Variants in ZFHX3 observed in about 807,000 individuals in gnomAD.
The protein encoded by ZFHX3 is zinc finger homeobox 3.
In ZFHX3, 42 loss-of-function variants were observed where a neutral mutation model predicts 279.1. The ratio of observed to expected loss-of-function variants is 0.15; its 90% confidence interval spans 0.12 to 0.19. The LOEUF (loss-of-function observed/expected upper bound fraction) is 0.19. Ranked by LOEUF, ZFHX3 falls within the 10% of genes least tolerant of loss-of-function variation. The probability of loss-of-function intolerance (pLI) is 1.00; values close to 1 mark genes in which losing one functional copy is unlikely to be tolerated. For synonymous variants in ZFHX3, 2,293 were observed against 1,957.8 expected, an observed-to-expected ratio of 1.17 and a Z score of -4.52; for missense variants, 4,981 against 4,754.0, an observed-to-expected ratio of 1.05 and a Z score of -1.40.
chr16:72,880,292 C>T (rs2038427874), intron 4 of ZFHX3, among the ~76,000 whole-genome samples: 2 of 152,212 alleles, frequency 1.3e-5, no homozygotes, highest in South Asian at 2.1e-4. Context: ...AACTGTGGTC[C>T]TCCCAGTGTC....
intron 8 of ZFHX3, among the ~76,000 whole-genome samples, chr16:73,066,900 G>A (rs538227267): frequency 1.3e-5 from 2 of 152,162 alleles, no homozygotes; most frequent in South Asian, 4.1e-4. Context: ...ACGGAGGTGA[G>A]AGCACTGAGA....
rs2053537285 is a variant in ZFHX3, at chr16:73,728,094, A to G, written c.-1607-47854T>C. 2.2e-5 allele frequency among the ~76,000 whole-genome samples: 3 copies of G among 136,550 alleles called. No homozygotes were observed. In the Admixed American group the frequency reaches 2.6e-4, roughly 12 times the overall value. The allele number at this position is 136,550 out of a possible 152,430, so 89.6% of individuals were successfully genotyped here. ...AAAAATGTGACTGTATTTGGAGATCAGGTCTTTAAAGAGGTAATTAAGTTA... is the reference window on the plus strand; with the variant it reads ...AAAAATGTGACTGTATTTGGAGATCGGGTCTTTAAAGAGGTAATTAAGTTA... On this transcript the variant is annotated intron_variant, in intron 1 of 17. Transcript: ENST00000641206.
intron 2 of ZFHX3, among the ~76,000 whole-genome samples, chr16:73,596,465 C>T (rs1353332659): frequency 2.0e-5 from 3 of 152,156 alleles, no homozygotes; most frequent in Admixed American, 2.0e-4. Context: ...TCCTGCACCT[C>T]TAGCCTCACT....
At chr16:72,903,124 C>T (rs1040046626) in intron 3 of ZFHX3, among the ~76,000 whole-genome samples, 4 of 152,132 alleles carry the variant, frequency 2.6e-5, no homozygotes, top group Admixed American at 6.5e-5. Flanking sequence ...CCTCAGAGGC[C>T]GCTGTGCATT....
chr16:72,790,482 G>C (rs942429398), intron 9 of ZFHX3: 1 of 152,170 alleles, frequency 6.6e-6, no homozygotes, highest in Non-Finnish European at 1.5e-5. Flanking sequence ...CCAGACTTGG[G>C]GGAAGACTGC....
At chr16:73,635,537 G>C (rs2052520036) in intron 2 of ZFHX3, among the ~76,000 whole-genome samples, 1 of 152,200 alleles carries the variant, frequency 6.6e-6, no homozygotes, top group African/African-American at 2.4e-5. Flanking sequence ...GGTTGGAAGT[G>C]AAAGAAGCTT....
intron 3 of ZFHX3, among the ~76,000 whole-genome samples, chr16:73,341,197 C>A (rs1017159543): frequency 6.6e-6 from 1 of 151,916 alleles, no homozygotes; most frequent in Non-Finnish European, 1.5e-5. Context: ...AAAAATTAGC[C>A]GGGTGTGATG....
At chr16:73,009,089 T>A (rs1963819501) in intron 1 of ZFHX3, among the ~76,000 whole-genome samples, 2 of 152,072 alleles carry the variant, frequency 1.3e-5, no homozygotes, top group African/African-American at 4.8e-5. Flanking sequence ...TTACTACATC[T>A]TGTAGATCTT....
chr16:73,851,456 C>G (rs1057393240), intron 1 of ZFHX3, among the ~76,000 whole-genome samples: 1 of 152,178 alleles, frequency 6.6e-6, no homozygotes, highest in South Asian at 2.1e-4. Flanking sequence ...AAAATAGTAG[C>G]TGAGGAACTT....
chr16:73,630,170 GTCTAA>G (rs1159829142), intron 2 of ZFHX3, among the ~76,000 whole-genome samples: 1 of 152,160 alleles, frequency 6.6e-6, no homozygotes, highest in Non-Finnish European at 1.5e-5. Flanking sequence ...GAAAACGTTA[GTCTAA>G]TTTCAACCTT....
intron 1 of ZFHX3, among the ~76,000 whole-genome samples, chr16:73,830,727 T>C (rs532383908): frequency 6.6e-6 from 1 of 152,362 alleles, no homozygotes; most frequent in East Asian, 1.9e-4. Context: ...ACCAGCAGTA[T>C]ATGAAAAATA....
chr16:72,788,074 G>T lies in ZFHX3; in HGVS notation c.10202C>A (p.Thr3401Asn). The part of the protein sequence containing the change: ...VQQQQPKASQ[T>N]PVPPGAPSPD... ...GGAAGGAGCCCCGGGGGGGACTGGG[G>T]TTTGGCTTGCTTTGGGCTGCTGCTG... Residue 3401 changes from threonine (T) to asparagine (N), a missense_variant, in exon 10 of 10, where the codon ACC becomes AAC. Coordinates refer to ENST00000268489, the MANE Select transcript of ZFHX3 (RefSeq NM_006885.4). 6.2e-7 allele frequency: 1 copy of T among 1,612,040 alleles called. No homozygotes were observed. Among genetic ancestry groups the T allele is most frequent in the Non-Finnish European group, 8.5e-7 (1 of 1,179,868 alleles).
At chr16:73,267,062 G>T (rs1311115908) in intron 4 of ZFHX3, among the ~76,000 whole-genome samples, 3 of 152,182 alleles carry the variant, frequency 2.0e-5, no homozygotes, top group African/African-American at 7.2e-5. Context: ...TGATAAAAAA[G>T]CACAAGCATG....
intron 1 of ZFHX3, among the ~76,000 whole-genome samples, chr16:73,693,786 G>A (rs1022116183): frequency 3.9e-5 from 6 of 152,014 alleles, no homozygotes; most frequent in African/African-American, 7.2e-5. Flanking sequence ...GATTTACTTC[G>A]AAATCCTTTG....
chr16:73,785,194 A>G (rs1160985347), intron 1 of ZFHX3, among the ~76,000 whole-genome samples: 3 of 152,326 alleles, frequency 2.0e-5, no homozygotes, highest in African/African-American at 7.2e-5. Context: ...AATTGTATTA[A>G]TAAACATTAT....
At chr16:73,698,023 G>A (rs756630562) in intron 1 of ZFHX3, among the ~76,000 whole-genome samples, 1 of 151,844 alleles carries the variant, frequency 6.6e-6, no homozygotes, top group South Asian at 2.1e-4. Context: ...CACAGCATAA[G>A]AGACAACTCA....
chr16:73,811,745 C>A (rs2142337409), intron 1 of ZFHX3, among the ~76,000 whole-genome samples: 1 of 152,120 alleles, frequency 6.6e-6, no homozygotes, highest in South Asian at 2.1e-4. Flanking sequence ...GCGCCCGGGC[C>A]CCTTCCCTTT....
chr16:73,376,885 A>T (rs1249761425), intron 3 of ZFHX3, among the ~76,000 whole-genome samples: 1 of 152,186 alleles, frequency 6.6e-6, no homozygotes, highest in African/African-American at 2.4e-5. Flanking sequence ...ATATTATGGT[A>T]AGACCTTCTA....
chr16:73,614,358 G>C (rs1380692054), intron 2 of ZFHX3, among the ~76,000 whole-genome samples: 2 of 152,232 alleles, frequency 1.3e-5, no homozygotes, highest in Non-Finnish European at 2.9e-5. Flanking sequence ...GGAGTGGACA[G>C]ACTTCCAGCT....
Sources: allele counts gnomAD v4.1 joint callset (sites outside exome capture counted in the v4.1 genomes callset), GRCh38; gene constraint gnomAD v4.1.1; transcripts MANE v1.5; gene names NCBI Gene and HGNC (gene_info 2026-07-23, HGNC 2026-07-21).